The following NRSN1 variants were observed in gnomAD, a reference collection of about 807,000 sequenced individuals.
The protein encoded by NRSN1 is neurensin 1, also known as neurensin-1.
NRSN1 carries 14 observed loss-of-function variants against 17.3 expected under a neutral mutation model. The ratio of observed to expected loss-of-function variants is 0.81; its 90% CI spans 0.54 to 1.27. The LOEUF is 1.27. NRSN1 is among the 50% of genes most tolerant of loss of function. The pLI is 0.00. For missense variants in NRSN1, 209 were observed against 235.9 expected (o/e 0.89, Z 0.75); for synonymous variants, 79 against 94.2 (o/e 0.84, Z 0.93).
rs1424429649 is a variant in NRSN1, at chr6:24,136,384, G to T, written c.189+1868G>T. Among the ~76,000 whole-genome samples the T allele has an allele frequency of 3.3e-5, 5 of 152,162 alleles. No homozygotes were observed. The East Asian group carries it at 9.6e-4, about 29-fold the overall frequency. ...TGTGTTAATTCAGTGTCATATTGTT[G>T]TCACATACTCTGCATCAGAACTGGT... On this transcript the variant is annotated intron_variant, in intron 3 of 3. Transcript: ENST00000378491.
At position 24,134,419 on chromosome 6, in the gene NRSN1, A is replaced by C. The variant is rs777814292; in HGVS notation, c.92A>C (p.His31Pro). The C allele has an allele frequency of 5.1e-5, 82 of 1,614,020 alleles. 1 individual carries two copies. The South Asian group carries it at 7.5e-4, about 15-fold the overall frequency. ...YQRYGVRSYL[H>P]QFYEDCTASI... ...CGCTATGGAGTCCGGTCCTACCTGC[A>C]CCAGTTTTATGAGGACTGTACAGCC... Residue 31 changes from histidine to proline, a missense_variant, in exon 3 of 4, where the codon CAC (histidine) becomes CCC (proline). Coordinates refer to ENST00000378491, the MANE Select transcript of NRSN1 (RefSeq NM_080723.5).
chr6:24,145,528 CT>C lies in NRSN1; in HGVS notation c.190-19del. On this transcript the variant is annotated intron_variant, in intron 3 of 3. Transcript: ENST00000378491. This position sits in a 1 kb window ranked among gnomAD's most constrained non-coding sequence, Gnocchi z 4.4. The stretch of plus-strand genomic sequence containing the variant: ...GCACCTTCCTCACTCTATCTTGCTT[CT>C]GTCATTATCTACCTGTAGGTTGGAC... 1.3e-6 allele frequency: 2 copies of C among 1,550,328 alleles called. No homozygotes were observed. The highest frequency in any genetic ancestry group is 1.7e-6 in the Non-Finnish European group (2 of 1,144,638).
chr6:24,137,648 C>A (rs958612100), intron 3 of NRSN1, among the ~76,000 whole-genome samples: 1 of 152,060 alleles, frequency 6.6e-6, no homozygotes, highest in Non-Finnish European at 1.5e-5. Flanking sequence ...CGTCATTTAA[C>A]ATTAGGTATA....
intron 1 of NRSN1, among the ~76,000 whole-genome samples, chr6:24,127,301 G>C (rs1451433464): frequency 6.6e-6 from 1 of 152,154 alleles, no homozygotes; most frequent in Non-Finnish European, 1.5e-5. Flanking sequence ...TTGACGATTT[G>C]GCTTTGGTCC....
chr6:24,141,201 A>T, intron 3 of NRSN1: 1 of 1,265,458 alleles, frequency 7.9e-7, no homozygotes, highest in Non-Finnish European at 1.0e-6. Context: ...CAATTTTTTG[A>T]CTCTTTCCAT....
At chr6:24,131,479 T>C (rs914202624) in intron 2 of NRSN1, among the ~76,000 whole-genome samples, 1 of 152,152 alleles carries the variant, frequency 6.6e-6, no homozygotes, top group Non-Finnish European at 1.5e-5. Flanking sequence ...TCTGAAAATA[T>C]ATATTTAGAG....
rs779237391 is a variant in NRSN1 at position 24,141,057 on chromosome 6, G to GCAAT, written c.190-4491_190-4490insCAAT. 37 of 1,461,622 alleles carry GCAAT rather than the reference G, an allele frequency of 2.5e-5. No homozygotes were observed. The African/African-American group carries it at 4.8e-4, about 19-fold the overall frequency. 90.5% of individuals were successfully genotyped at this position (1,461,622 alleles called of 1,614,324 possible). ...GCCCTTCTCTGTCGCCATTGGGATT[G>GCAAT]GCCTTACCACCCTAAGGCCCCAGGT... On this transcript the variant is annotated intron_variant, in intron 3 of 3. Coordinates refer to ENST00000378491, the MANE Select transcript of NRSN1 (RefSeq NM_080723.5).
At chr6:24,139,153 A>G (rs1760160279) in intron 3 of NRSN1, among the ~76,000 whole-genome samples, 1 of 152,180 alleles carries the variant, frequency 6.6e-6, no homozygotes, top group Admixed American at 6.5e-5. Flanking sequence ...CTCTACCTCT[A>G]TGATTTCAAC....
In NRSN1 at chr6:24,145,882, G is replaced by T. The variant is rs748083504; in HGVS notation, c.524G>T (p.Gly175Val). 3.1e-6 allele frequency: 5 copies of T among 1,613,888 alleles called. No homozygotes were observed. The highest frequency in any genetic ancestry group is 4.2e-6 in the Non-Finnish European group (5 of 1,180,004). ...TQPVTKAPGPGETKIPVTLSR... is the reference protein window; with the variant it reads ...TQPVTKAPGPVETKIPVTLSR... ...CCGGTTACAAAAGCTCCAGGGCCAG[G>T]GGAAACAAAGATTCCAGTCACTTTG... The change falls in exon 4 of 4, where the codon GGG becomes GTG. Residue 175 changes from glycine to valine, a missense_variant. Coordinates refer to ENST00000378491, the MANE Select transcript of NRSN1 (RefSeq NM_080723.5). The surrounding 1 kb of genome is among the most constrained non-coding windows in gnomAD (Gnocchi z 4.4).
At chr6:24,141,420 G>A (rs1457882568) in intron 3 of NRSN1, 4 of 289,936 alleles carry the variant, frequency 1.4e-5, no homozygotes, top group Admixed American at 5.6e-5. Flanking sequence ...ATCATCCCAC[G>A]CTCTCCCTCC....
rs753743189 is a variant in NRSN1, at chr6:24,134,400, G to T, written c.73G>T (p.Gly25Ter). The T allele has an allele frequency of 2.5e-6, 4 of 1,614,170 alleles. No homozygotes were observed. In the Admixed American group the frequency reaches 6.7e-5, roughly 27 times the overall value. The change falls in exon 3 of 4, where the codon GGA becomes TGA. Residue 25 changes from glycine to a stop codon, truncating the protein, a stop_gained. Transcript: ENST00000378491. LOFTEE classifies it high-confidence loss of function. ...AGCTGAGGGTGGTTACCAGCGCTATGGAGTCCGGTCCTACCTGCACCAGTT... is the reference window on the plus strand; with the variant it reads ...AGCTGAGGGTGGTTACCAGCGCTATTGAGTCCGGTCCTACCTGCACCAGTT... ...AAAEGGYQRY[G>*]VRSYLHQFYE...
intron 3 of NRSN1, among the ~76,000 whole-genome samples, chr6:24,142,102 C>A (rs1760215635): frequency 6.8e-6 from 1 of 147,882 alleles, no homozygotes; most frequent in Non-Finnish European, 1.5e-5. Flanking sequence ...GTACTTGCCA[C>A]CATTTTTAGA....
chr6:24,130,203 T>C (rs1042785832), intron 2 of NRSN1, among the ~76,000 whole-genome samples: 4 of 152,232 alleles, frequency 2.6e-5, no homozygotes, highest in African/African-American at 7.2e-5. Context: ...TCAGAAATCT[T>C]ATGAAACCTT....
chr6:24,138,890 ATGT>A (rs1760156468), intron 3 of NRSN1, among the ~76,000 whole-genome samples: 1 of 152,210 alleles, frequency 6.6e-6, no homozygotes, highest in Non-Finnish European at 1.5e-5. Context: ...CATGTACAAC[ATGT>A]TGTTTTGAAA....
intron 2 of NRSN1, among the ~76,000 whole-genome samples, chr6:24,132,105 T>C (rs1414866729): frequency 6.6e-6 from 1 of 152,190 alleles, no homozygotes; most frequent in African/African-American, 2.4e-5. Context: ...ATGAGGTTAT[T>C]GGTCATCATT....
intron 3 of NRSN1, among the ~76,000 whole-genome samples, chr6:24,144,054 T>G (rs545357370): frequency 6.6e-6 from 1 of 152,330 alleles, no homozygotes; most frequent in South Asian, 2.1e-4. Context: ...ATGTTACATT[T>G]CATTAGAACT....
chr6:24,129,128 T>G (rs1686359065), intron 2 of NRSN1: 1 of 152,246 alleles, frequency 6.6e-6, no homozygotes, highest in African/African-American at 2.4e-5. Flanking sequence ...TTCATGAGCT[T>G]GTTTCCCTAA....
At chr6:24,129,960 C>T (rs1760003359) in intron 2 of NRSN1, among the ~76,000 whole-genome samples, 1 of 152,146 alleles carries the variant, frequency 6.6e-6, no homozygotes, top group South Asian at 2.1e-4. Flanking sequence ...AGAGTGTTTA[C>T]AGAATGAAGA....
At chr6:24,141,453 T>TC (rs1001923509) in intron 3 of NRSN1, 2 of 219,262 alleles carry the variant, frequency 9.1e-6, no homozygotes, top group African/African-American at 4.6e-5. Context: ...TGTCTGGAAT[T>TC]CCCCAATGGG....
Sources: allele counts gnomAD v4.1 joint callset (sites outside exome capture counted in the v4.1 genomes callset), GRCh38; gene constraint gnomAD v4.1.1; non-coding constraint Gnocchi (gnomAD v3.1); transcripts MANE v1.5; gene names NCBI Gene and HGNC (gene_info 2026-07-23, HGNC 2026-07-21).